The following MYO5A variants were observed in gnomAD, a reference collection of about 807,000 sequenced individuals.
MYO5A encodes the protein unconventional myosin-Va.
Under a neutral mutation model 249.7 loss-of-function variants are expected in MYO5A, and 98 were observed. The ratio of observed to expected loss-of-function variants is 0.39; its 90% CI spans 0.33 to 0.46. The LOEUF (loss-of-function observed/expected upper bound fraction) is 0.46. MYO5A is among the 20% of genes least tolerant of loss of function. The probability of loss-of-function intolerance (pLI) is 0.98; values close to 1 mark genes in which losing one functional copy is unlikely to be tolerated. For missense variants in MYO5A, 1,696 were observed against 2,308.8 expected (o/e 0.73, Z 5.44); for synonymous variants, 778 against 810.6 (o/e 0.96, Z 0.68).
chr15:52,519,296 T>C (rs914031345), intron 1 of MYO5A, among the ~76,000 whole-genome samples: 2 of 152,118 alleles, frequency 1.3e-5, no homozygotes, highest in African/African-American at 2.4e-5. Context: ...AAAGGTGACA[T>C]AGGGTTCATA....
rs554336718 is a variant in MYO5A at position 52,320,084 on chromosome 15, T to C, written c.4952-742A>G. Among the ~76,000 whole-genome samples the C allele has an allele frequency of 3.3e-5, 5 of 152,302 alleles. No individual in the cohort carries two copies. In the South Asian group the frequency reaches 6.2e-4, roughly 19 times the overall value. On this transcript the variant is annotated intron_variant, in intron 38 of 41. Coordinates refer to ENST00000399233, the MANE Select transcript of MYO5A (RefSeq NM_001382347.1). ...GTGGGAGAGGGGAGTGGTATGGGTC[T>C]GGAGAGCTGGGCCCTTCCTTATTCT...
At chr15:52,428,655 T>C (rs2075450077) in intron 2 of MYO5A, 86 bp from the exon 3 acceptor site, 2 of 1,381,294 alleles carry the variant, frequency 1.4e-6, no homozygotes, top group South Asian at 1.2e-5. Context: ...TTCCTATTCC[T>C]GATTTGCTTC....
chr15:52,506,160 G>C (rs960628137), intron 1 of MYO5A, among the ~76,000 whole-genome samples: 1 of 152,100 alleles, frequency 6.6e-6, no homozygotes, highest in South Asian at 2.1e-4. Context: ...GACCATCTTG[G>C]CTAACGCAGT....
In MYO5A at chr15:52,346,393, T is replaced by C. The variant is rs765386788; in HGVS notation, c.3927A>G (p.Ala1309=). 5 of 1,605,982 alleles carry C rather than the reference T, an allele frequency of 3.1e-6. No individual in the cohort carries two copies. In the African/African-American group the frequency reaches 5.4e-5, roughly 17 times the overall value. The part of the protein sequence containing the change: ...VQKMKDKGEI[A]QAYIGLKETN... The stretch of plus-strand genomic sequence containing the variant: ...TTTCTTTCAAACCAATGTATGCTTG[T>C]GCTATTTCACCTTTATCTTTCATTT... The change falls in exon 30 of 42, where the codon GCA becomes GCG. Residue 1309 remains alanine (A), a synonymous_variant. Coordinates refer to ENST00000399233, the MANE Select transcript of MYO5A (RefSeq NM_001382347.1).
chr15:52,528,878 A>T lies in MYO5A; in HGVS notation c.-72T>A, dbSNP rs2077774388. The T allele has an allele frequency of 1.5e-6, 2 of 1,351,114 alleles. No individual in the cohort carries two copies. The highest frequency in any genetic ancestry group is 6.4e-5 in the East Asian group (2 of 31,250). 83.7% of individuals were successfully genotyped at this position (1,351,114 alleles called of 1,614,324 possible). A position where few individuals can be genotyped will look rare whatever the true frequency, so the allele number is the denominator to read the frequency against. ...CTCGCCTGGGCGGCCGCCCGAGCGG[A>T]CTAGGAAGCGCCCGCAGCCGCCGGC... On this transcript the variant is annotated 5_prime_UTR_variant, in exon 1 of 42. Transcript: ENST00000399233.
At chr15:52,450,843 G>GTTTTTTGTTTT (rs769982056) in intron 1 of MYO5A, among the ~76,000 whole-genome samples, 21 of 84,578 alleles carry the variant, frequency 2.5e-4, no homozygotes, top group South Asian at 1.9e-3. Context: ...CACTACTGTG[G>GTTTTTTGTTTT]TTTTTTTTTT....
intron 1 of MYO5A, among the ~76,000 whole-genome samples, chr15:52,475,114 G>T (rs1334284015): frequency 6.6e-6 from 1 of 152,144 alleles, no homozygotes; most frequent in Non-Finnish European, 1.5e-5. Flanking sequence ...GTTTAGTCTT[G>T]GGAGGGTGTA....
chr15:52,400,742 T>C (rs953350544), intron 9 of MYO5A, among the ~76,000 whole-genome samples: 3 of 152,238 alleles, frequency 2.0e-5, no homozygotes, highest in Non-Finnish European at 4.4e-5. Context: ...CTATGTGATA[T>C]TGATTGGTCT....
chr15:52,442,454 G>A lies in MYO5A; in HGVS notation c.28-9169C>T, dbSNP rs117222608. Among the ~76,000 whole-genome samples the A allele has an allele frequency of 2.6e-4, 40 of 152,308 alleles. No individual in the cohort carries two copies. In the East Asian group the frequency reaches 4.4e-3, roughly 17 times the overall value. ...GAAGTGTCCTGTACCTCACTGCAGC[G>A]TCACAGAAATGCTGCCGAGGAGCTG... On this transcript the variant is annotated intron_variant, in intron 1 of 41. Transcript: ENST00000399233.
rs564490849 is a variant in MYO5A, at chr15:52,410,585, T to C, written c.613-109A>G. ...TGGAGTAGAACACAGGTCCTTAAAATTGATTTTTTTTTTTTTTTTTGAGAC... is the reference window on the plus strand; with the variant it reads ...TGGAGTAGAACACAGGTCCTTAAAACTGATTTTTTTTTTTTTTTTTGAGAC... On this transcript the variant is annotated intron_variant, in intron 5 of 41. Coordinates refer to ENST00000399233, the MANE Select transcript of MYO5A (RefSeq NM_001382347.1). The C allele has an allele frequency of 1.4e-5, 15 of 1,061,830 alleles. No homozygotes were observed. The African/African-American group carries it at 1.5e-4, about 11-fold the overall frequency. The allele number at this position is 1,061,830 out of a possible 1,614,324, so 65.8% of individuals were successfully genotyped here. A position where few individuals can be genotyped will look rare whatever the true frequency, so the allele number is the denominator to read the frequency against.
At chr15:52,511,194 C>T (rs143077873) in intron 1 of MYO5A, among the ~76,000 whole-genome samples, 12 of 152,336 alleles carry the variant, frequency 7.9e-5, no homozygotes, top group African/African-American at 2.6e-4. Flanking sequence ...GAAGTGAATG[C>T]CTTCTGAAGA....
At position 52,360,101 on chromosome 15, in the gene MYO5A, G is replaced by C; in HGVS notation, c.3310-20C>G. Reference sequence around the variant, plus strand: ...CACATGCTGCAAGGCAAATAACCCAGGTATAATTAATGCAACATAATTAGT... The same window carrying C: ...CACATGCTGCAAGGCAAATAACCCACGTATAATTAATGCAACATAATTAGT... On this transcript the variant is annotated intron_variant, in intron 24 of 41. Transcript: ENST00000399233. 6.6e-7 allele frequency: 1 copy of C among 1,521,616 alleles called. No individual in the cohort carries two copies. The highest frequency in any genetic ancestry group is 9.1e-7 in the Non-Finnish European group (1 of 1,098,050). The allele number at this position is 1,521,616 out of a possible 1,614,324, so 94.3% of individuals were successfully genotyped here.
At chr15:52,448,930 C>CTTTTT (rs778732528) in intron 1 of MYO5A, among the ~76,000 whole-genome samples, 1 of 40,312 alleles carries the variant, frequency 2.5e-5, no homozygotes, top group African/African-American at 9.5e-5. Context: ...TCAGGTATTT[C>CTTTTT]TTTTTTTTTT....
At chr15:52,528,194 C>G (rs2141685126) in intron 1 of MYO5A, among the ~76,000 whole-genome samples, 1 of 152,318 alleles carries the variant, frequency 6.6e-6, no homozygotes, top group East Asian at 1.9e-4. Context: ...CCCTCCCAGC[C>G]GGTGAATCAG....
intron 1 of MYO5A, chr15:52,437,997 G>A (rs1209667690): frequency 1.0e-6 from 1 of 978,628 alleles, no homozygotes; most frequent in Non-Finnish European, 1.2e-6. Context: ...AGCATCCAAG[G>A]AGAAATAGGT....
rs2140930312 is a variant in MYO5A, at chr15:52,321,478, T to C, written c.4832A>G (p.Asn1611Ser). 1 of 1,614,236 alleles carries C rather than the reference T, an allele frequency of 6.2e-7. No homozygotes were observed. Among genetic ancestry groups the C allele is most frequent in the Non-Finnish European group, 8.5e-7 (1 of 1,180,038 alleles). ...GFMKHNTSRQ[N>S]EHCLTNFDLA... ...GTCAAAATTGGTGAGGCAGTGTTCATTCTGGCGAGATGTGTTGTGCTTCAT... is the reference window on the plus strand; with the variant it reads ...GTCAAAATTGGTGAGGCAGTGTTCACTCTGGCGAGATGTGTTGTGCTTCAT... Residue 1611 changes from asparagine to serine, a missense_variant, in exon 38 of 42, where the codon AAT becomes AGT. This residue lies in a region of MYO5A where 625 missense variants were observed against 908.1 expected (regional missense o/e 0.69). Coordinates refer to ENST00000399233, the MANE Select transcript of MYO5A (RefSeq NM_001382347.1).
intron 1 of MYO5A, among the ~76,000 whole-genome samples, chr15:52,528,451 A>G (rs1036970516): frequency 1.3e-5 from 2 of 152,170 alleles, no homozygotes; most frequent in Non-Finnish European, 2.9e-5. Context: ...TCCAAAGCCA[A>G]GCAGGAGGGG....
intron 1 of MYO5A, among the ~76,000 whole-genome samples, chr15:52,525,368 C>A (rs936290124): frequency 4.6e-5 from 7 of 152,078 alleles, no homozygotes; most frequent in Non-Finnish European, 1.5e-5. Context: ...GACAAGTATC[C>A]CAAGAACCTA....
At position 52,308,691 on chromosome 15, in the gene MYO5A, A is replaced by C. The variant is rs2037688195; in HGVS notation, c.*5005T>G. ...AAGTACAGGAGAAGGAGGGTCATGC[A>C]GGGCCACATCCAGTCAAAACTCTCA... On this transcript the variant is annotated 3_prime_UTR_variant, in exon 42 of 42. Coordinates refer to ENST00000399233, the MANE Select transcript of MYO5A (RefSeq NM_001382347.1). 6.5e-6 allele frequency: 1 copy of C among 152,722 alleles called. No homozygotes were observed. Among genetic ancestry groups the C allele is most frequent in the Non-Finnish European group, 1.5e-5 (1 of 68,098 alleles). 9.5% of individuals were successfully genotyped at this position (152,722 alleles called of 1,614,324 possible).
Sources: allele counts gnomAD v4.1 joint callset (sites outside exome capture counted in the v4.1 genomes callset), GRCh38; gene constraint gnomAD v4.1.1; regional missense constraint gnomAD v4.1.1; transcripts MANE v1.5; gene names NCBI Gene and HGNC (gene_info 2026-07-23, HGNC 2026-07-21).